Variants in MARK1 observed in about 807,000 individuals in gnomAD.
MARK1 encodes the protein serine/threonine-protein kinase MARK1.
In MARK1, 40 loss-of-function variants were observed where a neutral mutation model predicts 96.3. The ratio of observed to expected loss-of-function variants is 0.42; its 90% CI spans 0.32 to 0.54. The LOEUF is 0.54. MARK1 is among the 20% of genes least tolerant of loss of function. The probability of loss-of-function intolerance (pLI) is 0.16; values close to 1 mark genes in which losing one functional copy is unlikely to be tolerated. For missense variants in MARK1, 719 were observed against 984.6 expected (o/e 0.73, Z 3.61); for synonymous variants, 317 against 341.2 (o/e 0.93, Z 0.78).
At chr1:220,567,335 A>AT (rs1211848753) in intron 1 of MARK1, among the ~76,000 whole-genome samples, 1 of 152,114 alleles carries the variant, frequency 6.6e-6, no homozygotes, top group Non-Finnish European at 1.5e-5. Context: ...ATGTGTGGGA[A>AT]TTTATTTGTA....
Position 220,657,788 on chromosome 1 carries a change from A to T in MARK1, c.1989-2A>T. 6.3e-7 allele frequency: 1 copy of T among 1,577,080 alleles called. No individual in the cohort carries two copies. The highest frequency in any genetic ancestry group is 8.6e-7 in the Non-Finnish European group (1 of 1,167,030). On this transcript the variant is annotated splice_acceptor_variant, in intron 16 of 17. Coordinates refer to ENST00000366917, the MANE Select transcript of MARK1 (RefSeq NM_018650.5). LOFTEE classifies it high-confidence loss of function. ...AAATCTCAACCTTCACTTTGTTTTG[A>T]GGGATCCAAGTGAAGGCGAAGCCAG...
At chr1:220,597,443 T>A (rs1401846164) in intron 3 of MARK1, among the ~76,000 whole-genome samples, 1 of 152,142 alleles carries the variant, frequency 6.6e-6, no homozygotes, top group Non-Finnish European at 1.5e-5. Flanking sequence ...AGGTGTGAGG[T>A]GGTACCTCTT....
At chr1:220,650,307 C>T (rs946986461) in intron 13 of MARK1, among the ~76,000 whole-genome samples, 1 of 152,096 alleles carries the variant, frequency 6.6e-6, no homozygotes, top group Non-Finnish European at 1.5e-5. Flanking sequence ...CTGCTCACAC[C>T]CCTGCTCCTG....
At chr1:220,642,505 G>C (rs773525829) in intron 13 of MARK1, among the ~76,000 whole-genome samples, 1 of 152,102 alleles carries the variant, frequency 6.6e-6, no homozygotes, top group Non-Finnish European at 1.5e-5. Flanking sequence ...CAGAGCACCT[G>C]GGGGGAGGGG....
chr1:220,597,823 A>G (rs1298806974), intron 3 of MARK1, among the ~76,000 whole-genome samples: 1 of 152,162 alleles, frequency 6.6e-6, no homozygotes, highest in African/African-American at 2.4e-5. Flanking sequence ...TAAATTAGTA[A>G]ATGTGTTTTT....
intron 1 of MARK1, among the ~76,000 whole-genome samples, chr1:220,574,739 T>C (rs2102821156): frequency 6.6e-6 from 1 of 152,344 alleles, no homozygotes; most frequent in East Asian, 1.9e-4. Flanking sequence ...TTACAAACTA[T>C]TCTTTGTTGG....
chr1:220,595,194 A>G (rs1665251495), intron 3 of MARK1, among the ~76,000 whole-genome samples: 3 of 152,190 alleles, frequency 2.0e-5, no homozygotes, highest in Admixed American at 2.0e-4. Flanking sequence ...GTTTATGTGT[A>G]TCATAGATAT....
intron 1 of MARK1, among the ~76,000 whole-genome samples, chr1:220,563,540 A>T (rs1479601882): frequency 6.6e-6 from 1 of 152,220 alleles, no homozygotes; most frequent in African/African-American, 2.4e-5. Flanking sequence ...CATTTTAGAT[A>T]GTAGTAAGTT....
chr1:220,638,710 T>C (rs957668662), intron 13 of MARK1, among the ~76,000 whole-genome samples: 9 of 152,172 alleles, frequency 5.9e-5, no homozygotes, highest in African/African-American at 2.2e-4. Flanking sequence ...AGCGAAAAGA[T>C]TTTGATAGAG....
intron 1 of MARK1, among the ~76,000 whole-genome samples, chr1:220,539,584 G>T (rs1170411521): frequency 6.6e-6 from 1 of 152,040 alleles, no homozygotes. Flanking sequence ...AATCATGAAA[G>T]GGTACTGAAT....
At chr1:220,587,771 C>T (rs1245952100) in intron 3 of MARK1, among the ~76,000 whole-genome samples, 1 of 151,950 alleles carries the variant, frequency 6.6e-6, no homozygotes, top group Non-Finnish European at 1.5e-5. Flanking sequence ...TATTTATTTT[C>T]CTGTTAGTGG....
chr1:220,607,064 T>G (rs961534006), intron 6 of MARK1, among the ~76,000 whole-genome samples: 1 of 152,086 alleles, frequency 6.6e-6, no homozygotes, highest in African/African-American at 2.4e-5. Context: ...TGAAGAAAGT[T>G]ATTGGTAGCT....
intron 1 of MARK1, among the ~76,000 whole-genome samples, chr1:220,553,776 T>C (rs1299934295): frequency 8.5e-6 from 1 of 118,146 alleles, no homozygotes; most frequent in African/African-American, 3.2e-5. Context: ...GGCATACCTT[T>C]GCTCCAAAAT....
At chr1:220,590,962 G>C (rs78623816) in intron 3 of MARK1, among the ~76,000 whole-genome samples, 1 of 152,140 alleles carries the variant, frequency 6.6e-6, no homozygotes, top group African/African-American at 2.4e-5. Context: ...TCCAGTTAAA[G>C]TTCTGATTAG....
At chr1:220,573,083 A>G (rs1347243984) in intron 1 of MARK1, among the ~76,000 whole-genome samples, 17 of 151,800 alleles carry the variant, frequency 1.1e-4, no homozygotes, top group Admixed American at 1.1e-3. Context: ...TCCTCTATGC[A>G]TGGTTTCAGC....
chr1:220,585,731 C>T (rs757107643), intron 3 of MARK1, among the ~76,000 whole-genome samples: 1 of 152,104 alleles, frequency 6.6e-6, no homozygotes, highest in Non-Finnish European at 1.5e-5. Context: ...ACATAATCTT[C>T]GGGGAGAAAT....
rs563593533 is a variant in MARK1, at chr1:220,616,153, A to G, written c.552+158A>G. ...TCTCACAGCAACTTTATGAAAGGTA[A>G]TATTTTCACTGAGCAAATGAAGAAA... is the stretch of plus-strand genomic sequence containing the variant. On this transcript the variant is annotated intron_variant, in intron 7 of 17. Coordinates refer to ENST00000366917, the MANE Select transcript of MARK1 (RefSeq NM_018650.5). Among the ~76,000 whole-genome samples, 9 of 152,306 alleles carry G rather than the reference A, an allele frequency of 5.9e-5. No individual in the cohort carries two copies. The South Asian group carries it at 1.9e-3, about 32-fold the overall frequency.
chr1:220,556,161 A>T (rs1662229223), intron 1 of MARK1, among the ~76,000 whole-genome samples: 1 of 152,130 alleles, frequency 6.6e-6, no homozygotes, highest in Non-Finnish European at 1.5e-5. Context: ...GAAGAACTGG[A>T]AATGAACCTC....
chr1:220,565,377 T>G (rs1662972313), intron 1 of MARK1, among the ~76,000 whole-genome samples: 2 of 152,274 alleles, frequency 1.3e-5, no homozygotes, highest in South Asian at 4.1e-4. Context: ...TATGGTAATA[T>G]CCAGAGAATA....
Sources: gnomAD v4.1 joint callset for allele counts (sites outside exome capture counted in the v4.1 genomes callset) on GRCh38, gnomAD v4.1.1 for gene constraint, MANE v1.5 for transcripts, NCBI Gene and HGNC (gene_info 2026-07-23, HGNC 2026-07-21) for gene names.